Variants in FRMD4A observed in about 807,000 individuals in gnomAD.
FRMD4A encodes FERM domain containing 4A.
Under a neutral mutation model 129.1 loss-of-function variants are expected in FRMD4A, and 29 were observed. The observed-to-expected ratio is 0.22, with a 90% CI of 0.17 to 0.31. FRMD4A has a LOEUF of 0.31. Ranked by LOEUF, FRMD4A falls within the 10% of genes least tolerant of loss-of-function variation. The pLI is 1.00. For synonymous variants in FRMD4A, 634 were observed against 571.6 expected (o/e 1.11, Z -1.56); for missense variants, 1,272 against 1,375.8 (o/e 0.92, Z 1.19).
intron 2 of FRMD4A, among the ~76,000 whole-genome samples, chr10:14,276,877 A>G (rs570511140): frequency 3.9e-5 from 6 of 151,982 alleles, no homozygotes; most frequent in Admixed American, 1.3e-4. Context: ...TTAAGTATTT[A>G]TTTATTTGAG....
In FRMD4A at chr10:13,821,918, C is replaced by T. The variant is rs2093634773; in HGVS notation, c.112-11010G>A. On this transcript the variant is annotated intron_variant, in intron 3 of 24. Transcript: ENST00000357447. The surrounding 1 kb of genome is among the most constrained non-coding windows in gnomAD (Gnocchi z 4.3). ...AGGTGGCCCCGAAGTGCCCGCCACACCTCCATCCTTTGCCCCCGCTAATGT... is the reference window on the plus strand; with the variant it reads ...AGGTGGCCCCGAAGTGCCCGCCACATCTCCATCCTTTGCCCCCGCTAATGT... 6.6e-6 allele frequency among the ~76,000 whole-genome samples: 1 copy of T among 152,186 alleles called. No individual in the cohort carries two copies. The highest frequency in any genetic ancestry group is 1.5e-5 in the Non-Finnish European group (1 of 68,040).
chr10:13,977,662 C>T (rs890340556), intron 2 of FRMD4A, among the ~76,000 whole-genome samples: 2 of 152,196 alleles, frequency 1.3e-5, no homozygotes, highest in African/African-American at 4.8e-5. Flanking sequence ...TGTCATTCCC[C>T]ATTTCTCTTC....
chr10:14,317,742 C>CAAGACAAGA (rs1846795130), intron 2 of FRMD4A, among the ~76,000 whole-genome samples: 1 of 84,756 alleles, frequency 1.2e-5, no homozygotes, highest in African/African-American at 4.9e-5. Context: ...GAGGAGAAGA[C>CAAGACAAGA]AAGACAAGAG....
At chr10:13,946,888 C>T (rs137941726) in intron 2 of FRMD4A, among the ~76,000 whole-genome samples, 4 of 152,220 alleles carry the variant, frequency 2.6e-5, no homozygotes, top group Admixed American at 2.6e-4. Context: ...GCAGACTTGA[C>T]CTCGGGGAGC....
At position 13,777,909 on chromosome 10, in the gene FRMD4A, T is replaced by C. The variant is rs533408119; in HGVS notation, c.384+5013A>G. ...AGCCTCCCGGGTTCGCTCAAGCAATTCTCCTGAGTGAGCCTCCCGAGTAGC... is the reference window on the plus strand; with the variant it reads ...AGCCTCCCGGGTTCGCTCAAGCAATCCTCCTGAGTGAGCCTCCCGAGTAGC... On this transcript the variant is annotated intron_variant, in intron 6 of 24. Transcript: ENST00000357447. 2.7e-5 allele frequency among the ~76,000 whole-genome samples: 4 copies of C among 149,980 alleles called. No homozygotes were observed. The South Asian group carries it at 6.6e-4, about 25-fold the overall frequency.
intron 12 of FRMD4A, among the ~76,000 whole-genome samples, chr10:13,719,753 A>C (rs1051495693): frequency 5.3e-5 from 8 of 152,214 alleles, no homozygotes; most frequent in Non-Finnish European, 1.2e-4. Flanking sequence ...AGAAGTCGAC[A>C]AGCAGGGTTT....
rs951027328 is a variant in FRMD4A, at chr10:14,156,512, T to A, written c.45+173546A>T. Among the ~76,000 whole-genome samples the A allele has an allele frequency of 2.6e-5, 4 of 152,168 alleles. No individual in the cohort carries two copies. In the East Asian group the frequency reaches 7.7e-4, roughly 29 times the overall value. On this transcript the variant is annotated intron_variant, in intron 2 of 24. Transcript: ENST00000357447. The stretch of plus-strand genomic sequence containing the variant: ...TTGTAATATAAATAACGGTATCAGA[T>A]GATAAATACCAAATTCAGGGTAGCA...
At position 13,707,066 on chromosome 10, in the gene FRMD4A, C is replaced by T. The variant is rs758463451; in HGVS notation, c.807G>A (p.Lys269=). The change falls in exon 13 of 25, where the codon AAG becomes AAA. Residue 269 remains lysine, a synonymous_variant. Coordinates refer to ENST00000357447, the MANE Select transcript of FRMD4A (RefSeq NM_018027.5). ...QLENLYFREK[K]FSVEVHDPRR... is the part of the protein sequence containing the mutation. The stretch of plus-strand genomic sequence containing the variant: ...GTGGGTCATGAACTTCCACGGAAAA[C>T]TTCTTTTCTCTGAAGTACAGGTTTT... The T allele has an allele frequency of 6.3e-6, 10 of 1,596,730 alleles. No homozygotes were observed. The highest frequency in any genetic ancestry group is 3.3e-5 in the South Asian group (3 of 90,718).
At position 13,790,887 on chromosome 10, in the gene FRMD4A, C is replaced by T. The variant is rs115866675; in HGVS notation, c.299+5609G>A. Among the ~76,000 whole-genome samples the T allele has an allele frequency of 3.6e-3, 541 of 151,396 alleles. 6 individuals are homozygous for T. The highest frequency in any genetic ancestry group is 0.012 in the African/African-American group (502 of 41,226). The stretch of plus-strand genomic sequence containing the variant: ...GACGTTTTCTTCAGTTAGATTGGGA[C>T]GTGGTCACAAAGGGGAGGAATCCAT... On this transcript the variant is annotated intron_variant, in intron 5 of 24. Coordinates refer to ENST00000357447, the MANE Select transcript of FRMD4A (RefSeq NM_018027.5).
At chr10:14,185,503 G>C (rs4750481) in intron 2 of FRMD4A, among the ~76,000 whole-genome samples, 16 of 152,106 alleles carry the variant, frequency 1.1e-4, no homozygotes, top group African/African-American at 3.6e-4. Flanking sequence ...CTAACTTCAA[G>C]TATTTTTTGG....
chr10:13,869,088 A>AT (rs1278276854), intron 2 of FRMD4A, among the ~76,000 whole-genome samples: 1 of 152,202 alleles, frequency 6.6e-6, no homozygotes, highest in Non-Finnish European at 1.5e-5. Flanking sequence ...GCAAAAGGAA[A>AT]TTCGGTTTTC....
intron 2 of FRMD4A, among the ~76,000 whole-genome samples, chr10:13,992,489 GC>G (rs1312656427): frequency 6.6e-6 from 1 of 152,140 alleles, no homozygotes; most frequent in Non-Finnish European, 1.5e-5. Flanking sequence ...GGGTCACATG[GC>G]CAGCCCCAGT....
intron 2 of FRMD4A, among the ~76,000 whole-genome samples, chr10:14,253,597 TTA>T: frequency 6.6e-6 from 1 of 152,354 alleles, no homozygotes; most frequent in Non-Finnish European, 1.5e-5. Flanking sequence ...AAAATCCTGC[TTA>T]ATAGAAATAA....
intron 2 of FRMD4A, among the ~76,000 whole-genome samples, chr10:14,118,802 G>T (rs1437521433): frequency 3.3e-5 from 5 of 152,124 alleles, no homozygotes; most frequent in Non-Finnish European, 7.4e-5. Flanking sequence ...CCTCCCCTTG[G>T]CCCCACCCTT....
chr10:14,017,739 AG>A (rs2095703765), intron 2 of FRMD4A, among the ~76,000 whole-genome samples: 1 of 152,244 alleles, frequency 6.6e-6, no homozygotes, highest in Admixed American at 6.5e-5. Context: ...TATCACTCCC[AG>A]GGTCAACTGT....
intron 2 of FRMD4A, among the ~76,000 whole-genome samples, chr10:13,873,561 T>C (rs1203824582): frequency 1.3e-5 from 2 of 152,222 alleles, no homozygotes; most frequent in Non-Finnish European, 2.9e-5. Flanking sequence ...GTTAATTTAT[T>C]TTTGAGACGG....
intron 14 of FRMD4A, among the ~76,000 whole-genome samples, chr10:13,695,635 C>T (rs936798855): frequency 2.0e-5 from 3 of 152,244 alleles, no homozygotes; most frequent in Non-Finnish European, 4.4e-5. Context: ...GAAACGGTCA[C>T]TTGCTCATCT....
chr10:13,810,097 CTG>C (rs879583235), intron 4 of FRMD4A, among the ~76,000 whole-genome samples: 5 of 151,974 alleles, frequency 3.3e-5, no homozygotes, highest in Non-Finnish European at 5.9e-5. Context: ...GAGAGAGAGT[CTG>C]TGTGTGTGTT....
chr10:14,039,143 A>G (rs563515284), intron 2 of FRMD4A, among the ~76,000 whole-genome samples: 1 of 152,310 alleles, frequency 6.6e-6, no homozygotes, highest in East Asian at 1.9e-4. Flanking sequence ...GCATCGGGCT[A>G]TTGATACTGT....
Sources: gnomAD v4.1 joint callset for allele counts (sites outside exome capture counted in the v4.1 genomes callset) on GRCh38, gnomAD v4.1.1 for gene constraint, Gnocchi (gnomAD v3.1) non-coding constraint, MANE v1.5 for transcripts, NCBI Gene and HGNC (gene_info 2026-07-23, HGNC 2026-07-21) for gene names.